Variants in ZBTB20 observed in about 807,000 individuals in gnomAD.
ZBTB20 encodes zinc finger and BTB domain-containing protein 20.
Under a neutral mutation model 56.9 loss-of-function variants are expected in ZBTB20, and 9 were observed. The ratio of observed to expected loss-of-function variants is 0.16; its 90% CI spans 0.10 to 0.28. ZBTB20 has a LOEUF of 0.28. Among genes scored for constraint, ZBTB20 ranks in the 10% least tolerant of loss-of-function variants. The pLI is 1.00. For synonymous variants in ZBTB20, 417 were observed against 420.7 expected (o/e 0.99, Z 0.11); for missense variants, 655 against 1,003.0 (o/e 0.65, Z 4.69).
intron 6 of ZBTB20, among the ~76,000 whole-genome samples, chr3:114,551,664 T>A (rs2050596658): frequency 6.6e-6 from 1 of 152,218 alleles, no homozygotes; most frequent in Non-Finnish European, 1.5e-5. Flanking sequence ...TTGGAAACCA[T>A]GGATAATATT....
At chr3:114,811,875 G>A (rs556756664) in intron 4 of ZBTB20, among the ~76,000 whole-genome samples, 2 of 152,214 alleles carry the variant, frequency 1.3e-5, no homozygotes, top group African/African-American at 4.8e-5. Context: ...GAATTGGTGG[G>A]TTCTTGGTCT....
intron 6 of ZBTB20, among the ~76,000 whole-genome samples, chr3:114,565,871 G>A (rs973035376): frequency 6.6e-6 from 1 of 152,092 alleles, no homozygotes; most frequent in Admixed American, 6.6e-5. Context: ...TCATGCAAAT[G>A]TAAGGGAAAC....
Position 114,350,950 on chromosome 3 carries a change from G to T in ZBTB20, c.1128C>A (p.Asp376Glu). ...TGCCTATGGAGGAGCTGACGCCCGA[G>T]TCGAAGCTTTCACCTTTGGGCTCAC... ...TESEPKGESF[D>E]SGVSSSIGTE... The change falls in exon 11 of 12, where the codon GAC (aspartate) becomes GAA (glutamate). Residue 376 changes from aspartate (D) to glutamate (E), a missense_variant. Around this residue, in one of 10 missense-constraint regions of ZBTB20, gnomAD observed 156 missense variants for 181.0 expected, o/e 0.86. Transcript: ENST00000675478. 1 of 1,606,372 alleles carries T rather than the reference G, an allele frequency of 6.2e-7. No individual in the cohort carries two copies. The highest frequency in any genetic ancestry group is 8.5e-7 in the Non-Finnish European group (1 of 1,179,842).
At chr3:115,101,791 T>C (rs1477549326) in intron 1 of ZBTB20, among the ~76,000 whole-genome samples, 1 of 152,196 alleles carries the variant, frequency 6.6e-6, no homozygotes, top group Non-Finnish European at 1.5e-5. Flanking sequence ...AATCATCCTT[T>C]TTATGTGGTT....
chr3:114,887,816 A>C (rs1156729623), intron 4 of ZBTB20, among the ~76,000 whole-genome samples: 1 of 152,184 alleles, frequency 6.6e-6, no homozygotes, highest in Non-Finnish European at 1.5e-5. Context: ...TAGGACTAAA[A>C]CAGAGGAAGA....
intron 7 of ZBTB20, among the ~76,000 whole-genome samples, chr3:114,452,367 G>C (rs1431208949): frequency 6.6e-6 from 1 of 152,182 alleles, no homozygotes; most frequent in African/African-American, 2.4e-5. Flanking sequence ...AAGAAAACAT[G>C]TAAGTGTAAG....
chr3:114,515,882 A>G (rs1429848836), intron 6 of ZBTB20, among the ~76,000 whole-genome samples: 2 of 152,198 alleles, frequency 1.3e-5, no homozygotes, highest in African/African-American at 4.8e-5. Context: ...CTAACAAACA[A>G]CAAACCATCT....
chr3:114,996,577 T>C (rs969836275), intron 2 of ZBTB20, among the ~76,000 whole-genome samples: 1 of 152,060 alleles, frequency 6.6e-6, no homozygotes, highest in Non-Finnish European at 1.5e-5. Flanking sequence ...ATGGTGTATA[T>C]GTGCCACATT....
At chr3:114,821,663 T>G (rs72956273) in intron 4 of ZBTB20, among the ~76,000 whole-genome samples, 2,508 of 152,160 alleles carry the variant, frequency 0.016, 77 homozygotes, top group African/African-American at 0.056. Flanking sequence ...ATGAATGAGA[T>G]TCTAATAGTC....
At chr3:115,055,063 A>G (rs1453096839) in intron 2 of ZBTB20, among the ~76,000 whole-genome samples, 1 of 152,136 alleles carries the variant, frequency 6.6e-6, no homozygotes, top group East Asian at 1.9e-4. Context: ...AAAGCCATGT[A>G]CACAATGCAG....
intron 2 of ZBTB20, among the ~76,000 whole-genome samples, chr3:114,982,752 C>T (rs1462150668): frequency 6.6e-6 from 1 of 152,016 alleles, no homozygotes; most frequent in Non-Finnish European, 1.5e-5. Flanking sequence ...TGTTAGTGTG[C>T]TGCACCCAGT....
chr3:114,474,507 C>G (rs1266220813), intron 7 of ZBTB20, among the ~76,000 whole-genome samples: 1 of 152,148 alleles, frequency 6.6e-6, no homozygotes, highest in African/African-American at 2.4e-5. Flanking sequence ...GCTTCTCTAT[C>G]TAGTGAGGCA....
At chr3:114,836,861 T>G (rs1041184727) in intron 4 of ZBTB20, among the ~76,000 whole-genome samples, 1 of 152,174 alleles carries the variant, frequency 6.6e-6, no homozygotes, top group African/African-American at 2.4e-5. Context: ...TATCATTCCT[T>G]TGGTAAAATT....
chr3:114,555,486 A>C (rs7615798), intron 6 of ZBTB20, among the ~76,000 whole-genome samples: 1 of 151,910 alleles, frequency 6.6e-6, no homozygotes, highest in Non-Finnish European at 1.5e-5. Flanking sequence ...CCCCATAGAA[A>C]CGATGATTGG....
At chr3:115,066,267 C>A (rs1250488966) in intron 2 of ZBTB20, among the ~76,000 whole-genome samples, 2 of 149,306 alleles carry the variant, frequency 1.3e-5, no homozygotes, top group South Asian at 4.3e-4. Flanking sequence ...TAAAATAGTC[C>A]TTTTTTTTTT....
At chr3:114,619,871 T>TCTC (rs1382601799) in intron 6 of ZBTB20, among the ~76,000 whole-genome samples, 1 of 152,198 alleles carries the variant, frequency 6.6e-6, no homozygotes, top group Non-Finnish European at 1.5e-5. Flanking sequence ...CTGCCCCGCC[T>TCTC]CTCTCCTGTC....
intron 4 of ZBTB20, among the ~76,000 whole-genome samples, chr3:114,848,678 TTTGGGACC>T (rs2074842923): frequency 6.6e-6 from 1 of 152,218 alleles, no homozygotes; most frequent in Non-Finnish European, 1.5e-5. Flanking sequence ...GTTACTTTAC[TTTGGGACC>T]TAAATCAACC....
chr3:114,972,371 A>T (rs1409455194), intron 3 of ZBTB20, among the ~76,000 whole-genome samples: 2 of 152,170 alleles, frequency 1.3e-5, no homozygotes, highest in Admixed American at 6.5e-5. Context: ...ACTAACATGG[A>T]CTACAATCCT....
chr3:114,398,966 T>C (rs140669147), intron 7 of ZBTB20, among the ~76,000 whole-genome samples: 11 of 152,306 alleles, frequency 7.2e-5, no homozygotes, highest in South Asian at 2.1e-4. Flanking sequence ...AATTCCATCT[T>C]TCCCATAAAG....
Sources: allele counts gnomAD v4.1 joint callset (sites outside exome capture counted in the v4.1 genomes callset), GRCh38; gene constraint gnomAD v4.1.1; regional missense constraint gnomAD v4.1.1; transcripts MANE v1.5; gene names NCBI Gene and HGNC (gene_info 2026-07-23, HGNC 2026-07-21).